TAOK3: variants seen among roughly 807,000 people sequenced by gnomAD.
The protein encoded by TAOK3 is serine/threonine-protein kinase TAO3.
A neutral mutation model predicts 120.4 loss-of-function variants in TAOK3; 40 were observed. The ratio of observed to expected loss-of-function variants is 0.33; its 90% CI spans 0.26 to 0.43. TAOK3 has a LOEUF of 0.43. Ranked by LOEUF, TAOK3 falls within the 20% of genes least tolerant of loss-of-function variation. TAOK3 has a pLI of 1.00. For synonymous variants in TAOK3, 355 were observed against 387.5 expected (o/e 0.92, Z 0.99); for missense variants, 821 against 1,112.1 (o/e 0.74, Z 3.72).
intron 9 of TAOK3, among the ~76,000 whole-genome samples, chr12:118,217,110 C>T (rs1475513315): frequency 6.6e-6 from 1 of 152,106 alleles, no homozygotes. Flanking sequence ...CTATTAACCA[C>T]TTCTAAAATG....
chr12:118,360,032 G>A (rs1207215135), intron 1 of TAOK3, among the ~76,000 whole-genome samples: 1 of 152,158 alleles, frequency 6.6e-6, no homozygotes, highest in Non-Finnish European at 1.5e-5. Flanking sequence ...TTGGGAGGCC[G>A]AGGCAGGCGG....
At chr12:118,266,899 G>T in intron 1 of TAOK3, 140 bp from the exon 2 acceptor site, 1 of 358,886 alleles carries the variant, frequency 2.8e-6, no homozygotes, top group South Asian at 1.5e-4. Flanking sequence ...GGATGGCAAA[G>T]TTAAAAGGTA....
At chr12:118,214,565 C>A (rs1360177046) in intron 9 of TAOK3, among the ~76,000 whole-genome samples, 2 of 150,784 alleles carry the variant, frequency 1.3e-5, no homozygotes, top group Non-Finnish European at 3.0e-5. Context: ...AAAAAGATTA[C>A]TATAAAATGC....
chr12:118,361,784 A>T (rs994093616), intron 1 of TAOK3, among the ~76,000 whole-genome samples: 2 of 151,974 alleles, frequency 1.3e-5, no homozygotes, highest in Non-Finnish European at 1.5e-5. Flanking sequence ...TATTATTTTT[A>T]AAATTTCAAC....
chr12:118,150,956 C>CTTTTTTTTTT lies in TAOK3; in HGVS notation c.*31_*40dup. On this transcript the variant is annotated 3_prime_UTR_variant, in exon 21 of 21. Coordinates refer to ENST00000392533, the MANE Select transcript of TAOK3 (RefSeq NM_016281.4). ...CAGGGTCTGAATTTTTTTCTGTTTT[C>CTTTTTTTTTT]TTTTTTTTTTTTTTTTTTGTAAATG... The CTTTTTTTTTT allele has an allele frequency of 1.8e-5, 23 of 1,255,372 alleles. No individual in the cohort carries two copies. Among genetic ancestry groups the CTTTTTTTTTT allele is most frequent in the East Asian group, 1.3e-4 (5 of 37,504 alleles). 77.8% of individuals were successfully genotyped at this position (1,255,372 alleles called of 1,614,324 possible).
intron 1 of TAOK3, among the ~76,000 whole-genome samples, chr12:118,360,073 C>G (rs914714130): frequency 1.3e-5 from 2 of 150,982 alleles, no homozygotes; most frequent in African/African-American, 2.4e-5. Context: ...CAACACCGGC[C>G]TGGCCAACAT....
intron 3 of TAOK3, chr12:118,246,183 C>A: frequency 1.4e-6 from 2 of 1,399,916 alleles, no homozygotes; most frequent in Non-Finnish European, 2.0e-6. Flanking sequence ...CAGTGGCATC[C>A]GGGGCCGGGG....
Position 118,344,271 on chromosome 12 carries a change from C to G in TAOK3, c.-194+28377G>C, listed in dbSNP as rs114860044. ...ATTCAAGCTCTTGATTATTTTAAAA[C>G]AAGACAAAAGCATGTGTCATAGTAA... On this transcript the variant is annotated intron_variant, in intron 1 of 20. Transcript: ENST00000392533. 3.0e-3 allele frequency among the ~76,000 whole-genome samples: 457 copies of G among 150,540 alleles called. 4 individuals carry two copies. Among genetic ancestry groups the G allele is most frequent in the African/African-American group, 0.01 (422 of 40,878 alleles).
At chr12:118,278,717 C>T (rs116546812) in intron 1 of TAOK3, among the ~76,000 whole-genome samples, 212 of 152,342 alleles carry the variant, frequency 1.4e-3, no homozygotes, top group African/African-American at 5.0e-3. Flanking sequence ...AATCGCCAAA[C>T]TGCTTTCCAC....
At chr12:118,268,869 G>A (rs1190504695) in intron 1 of TAOK3, among the ~76,000 whole-genome samples, 2 of 152,006 alleles carry the variant, frequency 1.3e-5, no homozygotes, top group African/African-American at 4.8e-5. Flanking sequence ...TTAGCCGGGT[G>A]TGGTGGCGCA....
At chr12:118,367,532 T>C (rs2045770959) in intron 1 of TAOK3, among the ~76,000 whole-genome samples, 1 of 152,148 alleles carries the variant, frequency 6.6e-6, no homozygotes, top group Non-Finnish European at 1.5e-5. Context: ...TCACTTATGT[T>C]TCTTTTACTT....
intron 17 of TAOK3, among the ~76,000 whole-genome samples, chr12:118,165,641 T>C (rs947900479): frequency 2.0e-5 from 3 of 152,232 alleles, no homozygotes; most frequent in Non-Finnish European, 4.4e-5. Context: ...TCTATAAGTC[T>C]TATGTATGGC....
At chr12:118,199,341 T>A in intron 12 of TAOK3, 84 bp from the exon 13 acceptor site, 1 of 1,106,960 alleles carries the variant, frequency 9.0e-7, no homozygotes, top group Admixed American at 2.0e-5. Context: ...GCACACTCAA[T>A]TTTGCAGTGT....
Position 118,161,769 on chromosome 12 carries a change from C to G in TAOK3, c.2139+19G>C. ...AACCACTGATCTGGTCCAACACTGT[C>G]CAGCAGCACAAATCTTACCTTTAAG... On this transcript the variant is annotated intron_variant, in intron 18 of 20. Coordinates refer to ENST00000392533, the MANE Select transcript of TAOK3 (RefSeq NM_016281.4). This position sits in a 1 kb window ranked among gnomAD's most constrained non-coding sequence, Gnocchi z 4.5. 1 of 1,613,772 alleles carries G rather than the reference C, an allele frequency of 6.2e-7. No homozygotes were observed. Among genetic ancestry groups the G allele is most frequent in the East Asian group, 2.2e-5 (1 of 44,882 alleles).
At chr12:118,152,148 AAG>A in intron 20 of TAOK3, 77 bp downstream of exon 20, 1 of 1,348,576 alleles carries the variant, frequency 7.4e-7, no homozygotes, top group Non-Finnish European at 1.0e-6. Context: ...CTAACTAAGG[AAG>A]GCTGCATATA....
chr12:118,204,634 C>T (rs936307549), intron 11 of TAOK3, among the ~76,000 whole-genome samples: 3 of 152,190 alleles, frequency 2.0e-5, no homozygotes, highest in Non-Finnish European at 2.9e-5. Context: ...TCATTTTCCT[C>T]CTCTAGTGCT....
rs1447563500 is a variant in TAOK3, at chr12:118,217,811, GTATACATATATATATATATATA to G, written c.644-3723_644-3702del. Among the ~76,000 whole-genome samples, 174 of 75,386 alleles carry G rather than the reference GTATACATATATATATATATATA, an allele frequency of 2.3e-3. 6 individuals carry two copies. The highest frequency in any genetic ancestry group is 7.2e-3 in the African/African-American group (140 of 19,514). The allele number at this position is 75,386 out of a possible 152,430, so 49.5% of individuals were successfully genotyped here. ...TGTATGTATGTATGTGTGTGTGTGT[GTATACATATATATATATATATA>G]TATATATATATATATATATATATAT... On this transcript the variant is annotated intron_variant, in intron 9 of 20. Transcript: ENST00000392533.
chr12:118,185,335 T>C (rs566055374), intron 14 of TAOK3, among the ~76,000 whole-genome samples: 65 of 152,314 alleles, frequency 4.3e-4, no homozygotes, highest in Non-Finnish European at 5.9e-4. Context: ...CCACTTCATC[T>C]GAAGTGCAGA....
Position 118,150,093 on chromosome 12 carries a change from AG to A in TAOK3, c.*903del, listed in dbSNP as rs1187904122. The A allele has an allele frequency of 6.6e-6, 1 of 152,620 alleles. No homozygotes were observed. Among genetic ancestry groups the A allele is most frequent in the Non-Finnish European group, 1.5e-5 (1 of 68,048 alleles). The allele number at this position is 152,620 out of a possible 1,614,324, so 9.5% of individuals were successfully genotyped here. ...ACTCCAAATACTGAACTGGAAAAGG[AG>A]GGAGGTGGGGAGGAACAGGAGGAGG... is the stretch of plus-strand genomic sequence containing the variant. On this transcript the variant is annotated 3_prime_UTR_variant, in exon 21 of 21. Coordinates refer to ENST00000392533, the MANE Select transcript of TAOK3 (RefSeq NM_016281.4).
Sources: allele counts gnomAD v4.1 joint callset (sites outside exome capture counted in the v4.1 genomes callset), GRCh38; gene constraint gnomAD v4.1.1; non-coding constraint Gnocchi (gnomAD v3.1); transcripts MANE v1.5; gene names NCBI Gene and HGNC (gene_info 2026-07-23, HGNC 2026-07-21).